Variants in UBE2D2 observed in about 807,000 individuals in gnomAD.
The protein encoded by UBE2D2 is ubiquitin-conjugating enzyme E2 D2.
UBE2D2 carries 2 observed loss-of-function variants against 24.2 expected under a neutral mutation model. The ratio of observed to expected loss-of-function variants is 0.08; its 90% CI spans 0.03 to 0.26. The LOEUF (loss-of-function observed/expected upper bound fraction) is 0.26, where lower values mean the gene tolerates loss of function less well. Ranked by LOEUF, UBE2D2 falls within the 10% of genes least tolerant of loss-of-function variation. The probability of loss-of-function intolerance (pLI) is 1.00; values close to 1 mark genes in which losing one functional copy is unlikely to be tolerated. For synonymous variants in UBE2D2, 58 were observed against 56.5 expected (o/e 1.03, Z -0.12); for missense variants, 44 against 177.6 (o/e 0.25, Z 4.28).
At chr5:139,540,525 G>A (rs1307920944) in intron 1 of UBE2D2, among the ~76,000 whole-genome samples, 4 of 126,056 alleles carry the variant, frequency 3.2e-5, no homozygotes, top group African/African-American at 6.7e-5. Context: ...CAGCCTAGGC[G>A]ACAGAGCAAG....
chr5:139,538,546 T>C (rs1375466811), intron 1 of UBE2D2, among the ~76,000 whole-genome samples: 1 of 152,086 alleles, frequency 6.6e-6, no homozygotes, highest in Non-Finnish European at 1.5e-5. Context: ...ATTCTACCAA[T>C]GTGGGTAGAA....
At position 139,626,871 on chromosome 5, in the gene UBE2D2, T is replaced by A. The variant is rs1039508757; in HGVS notation, c.*70T>A. The stretch of plus-strand genomic sequence containing the variant: ...CTCTGAAAGAGAAAGTCCTTTTGAT[T>A]TCCATTTGACTGCTTTCTATGAGCC... On this transcript the variant is annotated 3_prime_UTR_variant, in exon 7 of 7. Coordinates refer to ENST00000398733, the MANE Select transcript of UBE2D2 (RefSeq NM_003339.3). 1.4e-5 allele frequency: 20 copies of A among 1,411,162 alleles called. No homozygotes were observed. Among genetic ancestry groups the A allele is most frequent in the Non-Finnish European group, 1.9e-5 (19 of 1,007,648 alleles). The allele number at this position is 1,411,162 out of a possible 1,614,324, so 87.4% of individuals were successfully genotyped here. A position where few individuals can be genotyped will look rare whatever the true frequency, so the allele number is the denominator to read the frequency against.
chr5:139,574,092 T>A (rs1304586172), intron 1 of UBE2D2, among the ~76,000 whole-genome samples: 3 of 151,538 alleles, frequency 2.0e-5, no homozygotes, highest in Non-Finnish European at 2.9e-5. Flanking sequence ...TCTCTTTTTT[T>A]TTTTTGAGAC....
In UBE2D2 at chr5:139,561,713, C is replaced by G. The variant is rs915555025; in HGVS notation, c.-79C>G. ...TGCCGACCGAGATCGCCGAGGCGGC[C>G]TCAGGCTCCCTAGCCCCTTCCCCGT... On this transcript the variant is annotated 5_prime_UTR_variant, in exon 1 of 7. Transcript: ENST00000398733. 1.7e-6 allele frequency: 2 copies of G among 1,195,494 alleles called. No homozygotes were observed. The highest frequency in any genetic ancestry group is 2.3e-6 in the Non-Finnish European group (2 of 887,310). 74.1% of individuals were successfully genotyped at this position (1,195,494 alleles called of 1,614,324 possible). A position where few individuals can be genotyped will look rare whatever the true frequency, so the allele number is the denominator to read the frequency against.
chr5:139,575,468 A>C (rs1204077747), intron 1 of UBE2D2, among the ~76,000 whole-genome samples: 1 of 152,184 alleles, frequency 6.6e-6, no homozygotes, highest in Non-Finnish European at 1.5e-5. Context: ...GAAAAGAATG[A>C]AGTCTTATAA....
chr5:139,569,674 A>G (rs1753310076), intron 1 of UBE2D2, among the ~76,000 whole-genome samples: 1 of 152,222 alleles, frequency 6.6e-6, no homozygotes, highest in Non-Finnish European at 1.5e-5. Context: ...TGGGTAATAG[A>G]ATCATAAAAT....
chr5:139,553,332 T>A (rs1460564083), intron 1 of UBE2D2, among the ~76,000 whole-genome samples: 1 of 152,168 alleles, frequency 6.6e-6, no homozygotes, highest in Non-Finnish European at 1.5e-5. Flanking sequence ...GATCCGGAAA[T>A]AGGGAGTTCC....
intron 1 of UBE2D2, among the ~76,000 whole-genome samples, chr5:139,546,817 T>TCTTCGTTC (rs1554075920): frequency 4.3e-5 from 6 of 138,302 alleles, no homozygotes; most frequent in African/African-American, 1.6e-4. Flanking sequence ...CTTCTTTCTT[T>TCTTCGTTC]CTTCCTTCCT....
At chr5:139,572,647 C>CTT (rs35460912) in intron 1 of UBE2D2, among the ~76,000 whole-genome samples, 3 of 137,938 alleles carry the variant, frequency 2.2e-5, no homozygotes, top group Non-Finnish European at 4.7e-5. Context: ...AATTATTATT[C>CTT]TTTTTTTTTT....
At chr5:139,527,875 A>G (rs1339162787) in intron 1 of UBE2D2, among the ~76,000 whole-genome samples, 2 of 152,260 alleles carry the variant, frequency 1.3e-5, no homozygotes, top group Non-Finnish European at 2.9e-5. Context: ...TGCACATTAA[A>G]CAAAAGCAAT....
chr5:139,541,856 G>A (rs1440837371), intron 1 of UBE2D2, among the ~76,000 whole-genome samples: 1 of 151,584 alleles, frequency 6.6e-6, no homozygotes, highest in Non-Finnish European at 1.5e-5. Flanking sequence ...GTTGGAGACT[G>A]GCCTGGCCAA....
chr5:139,587,169 A>G (rs188681607), intron 1 of UBE2D2, among the ~76,000 whole-genome samples: 1 of 152,336 alleles, frequency 6.6e-6, no homozygotes, highest in Non-Finnish European at 1.5e-5. Flanking sequence ...CGTAGAACCC[A>G]GTGACTAGTG....
At chr5:139,560,137 G>A (rs537841611), upstream of UBE2D2, among the ~76,000 whole-genome samples, 157 of 150,234 alleles carry the variant, frequency 1.0e-3, no homozygotes, top group African/African-American at 3.5e-3. Flanking sequence ...GGGTTCCAGC[G>A]ATTCTCCTGC....
intron 2 of UBE2D2, among the ~76,000 whole-genome samples, chr5:139,611,432 C>T (rs748730335): frequency 6.6e-6 from 1 of 152,002 alleles, no homozygotes; most frequent in African/African-American, 2.4e-5. Flanking sequence ...AGGTGAGCCA[C>T]CTGCCTCGGC....
At chr5:139,593,759 T>C (rs355147) in intron 1 of UBE2D2, among the ~76,000 whole-genome samples, 12,526 of 152,016 alleles carry the variant, frequency 0.082, 637 homozygotes, top group African/African-American at 0.12. Context: ...CTACAGGCTC[T>C]CTCCACCATG....
upstream of UBE2D2, among the ~76,000 whole-genome samples, chr5:139,560,955 C>T (rs1753063068): frequency 6.6e-6 from 1 of 152,134 alleles, no homozygotes; most frequent in African/African-American, 2.4e-5. Flanking sequence ...TGGCCAAGTC[C>T]CTTCCTCCTT....
chr5:139,600,608 G>A (rs144555095), intron 2 of UBE2D2, among the ~76,000 whole-genome samples, 173 bp downstream of exon 2: 299 of 152,246 alleles, frequency 2.0e-3, no homozygotes, highest in Middle Eastern at 3.4e-3. Flanking sequence ...TGAATCTTCT[G>A]CCAGGTATTG....
intron 1 of UBE2D2, 149 bp from the exon 2 acceptor site, chr5:139,600,223 C>G: frequency 2.3e-6 from 2 of 860,796 alleles, no homozygotes; most frequent in East Asian, 2.6e-5. Context: ...CTTAAAGATT[C>G]ACCAATCTAC....
At chr5:139,528,073 A>T (rs1295026595) in intron 1 of UBE2D2, among the ~76,000 whole-genome samples, 1 of 152,250 alleles carries the variant, frequency 6.6e-6, no homozygotes, top group East Asian at 1.9e-4. Context: ...CCCAAGGGCC[A>T]TGCAGCTTCT....
Sources: gnomAD v4.1 joint callset for allele counts (sites outside exome capture counted in the v4.1 genomes callset) on GRCh38, gnomAD v4.1.1 for gene constraint, MANE v1.5 for transcripts, NCBI Gene and HGNC (gene_info 2026-07-23, HGNC 2026-07-21) for gene names.